Variants in COL6A6 observed in about 807,000 individuals in gnomAD.
COL6A6 encodes the protein collagen alpha-6(VI) chain.
A neutral mutation model predicts 208.6 loss-of-function variants in COL6A6; 183 were observed. The ratio of observed to expected loss-of-function variants is 0.88; its 90% CI spans 0.78 to 0.99. The LOEUF is 0.99. COL6A6 is among the 50% of genes least tolerant of loss of function. The pLI, the probability that COL6A6 is intolerant of heterozygous loss-of-function variation, is 0.00. For missense variants in COL6A6, 2,816 were observed against 2,815.2 expected (o/e 1.00, Z -0.01); for synonymous variants, 973 against 1,011.8 (o/e 0.96, Z 0.73).
rs2066338296 is a variant in COL6A6 at position 130,675,515 on chromosome 3, C to CAATGA, written c.*118_*119insAATGA. ...TGTAGGTTATCAGGTGACTTGACCC[C>CAATGA]CTGCATTCATTGGTATTAAGATATA... On this transcript the variant is annotated 3_prime_UTR_variant, in exon 37 of 37. Transcript: ENST00000358511. 1.5e-6 allele frequency: 1 copy of CAATGA among 680,542 alleles called. No individual in the cohort carries two copies. Among genetic ancestry groups the CAATGA allele is most frequent in the Non-Finnish European group, 2.4e-6 (1 of 412,608 alleles). The allele number at this position is 680,542 out of a possible 1,614,324, so 42.2% of individuals were successfully genotyped here.
chr3:130,644,138 C>CT (rs1165456227), intron 31 of COL6A6, among the ~76,000 whole-genome samples: 9 of 152,106 alleles, frequency 5.9e-5, no homozygotes, highest in Admixed American at 1.3e-4. Flanking sequence ...TTATTTAGAA[C>CT]AAAAAAGAAA....
At chr3:130,552,000 G>T (rs2062653253) in intron 1 of COL6A6, among the ~76,000 whole-genome samples, 1 of 152,064 alleles carries the variant, frequency 6.6e-6, no homozygotes. Flanking sequence ...TATTTTTATT[G>T]CATCATGGTA....
chr3:130,674,310 G>A (rs551975926), intron 36 of COL6A6, among the ~76,000 whole-genome samples: 1 of 152,284 alleles, frequency 6.6e-6, no homozygotes, highest in African/African-American at 2.4e-5. Context: ...CTGCCATATA[G>A]GTAGTACAGA....
At chr3:130,609,025 C>T (rs2108202145) in intron 22 of COL6A6, 61 bp downstream of exon 22, 1 of 1,238,710 alleles carries the variant, frequency 8.1e-7, no homozygotes. Flanking sequence ...ATGGAAAAAT[C>T]TGAGGACCTG....
Position 130,662,113 on chromosome 3 carries a change from A to G in COL6A6, c.6307A>G (p.Lys2103Glu), listed in dbSNP as rs753545194. Residue 2103 changes from lysine (K) to glutamate (E), a missense_variant, in exon 35 of 37, where the codon AAG (lysine) becomes GAG (glutamate). Lys to Glu is a moderately conservative substitution (Grantham distance 56). Transcript: ENST00000358511. ...TSHLDGEILK[K>E]ESLRAKCQGY... ...CCACTTAGATGGGGAAATCTTAAAGAAGGAATCCTTGCGAGCCAAATGTCA... is the reference window on the plus strand; with the variant it reads ...CCACTTAGATGGGGAAATCTTAAAGGAGGAATCCTTGCGAGCCAAATGTCA... 8 of 1,613,856 alleles carry G rather than the reference A, an allele frequency of 5.0e-6. No individual in the cohort carries two copies. The African/African-American group carries it at 6.7e-5, about 13-fold the overall frequency.
chr3:130,561,840 G>A (rs2062895307), intron 2 of COL6A6, among the ~76,000 whole-genome samples: 1 of 151,256 alleles, frequency 6.6e-6, no homozygotes, highest in South Asian at 2.1e-4. Flanking sequence ...TTTTAGTAGA[G>A]ACGGGGTTTC....
chr3:130,647,616 T>C (rs1021265165), intron 32 of COL6A6, among the ~76,000 whole-genome samples: 14 of 152,316 alleles, frequency 9.2e-5, no homozygotes, highest in African/African-American at 3.1e-4. Context: ...TTGAAGGACA[T>C]GGAGTCAAGG....
chr3:130,634,455 C>T, intron 26 of COL6A6, 135 bp from the exon 27 acceptor site: 1 of 722,654 alleles, frequency 1.4e-6, no homozygotes, highest in Non-Finnish European at 2.4e-6. Flanking sequence ...ATTTCACTTC[C>T]AGATTTCAAT....
chr3:130,542,276 T>C (rs2062385865), intron 1 of COL6A6, among the ~76,000 whole-genome samples: 1 of 152,204 alleles, frequency 6.6e-6, no homozygotes, highest in Admixed American at 6.5e-5. Flanking sequence ...TCTTGTTTTT[T>C]TCTTCTACTC....
chr3:130,634,202 TAAAA>T (rs1177021616), intron 26 of COL6A6, among the ~76,000 whole-genome samples: 1,101 of 36,322 alleles, frequency 0.03, 160 homozygotes, highest in African/African-American at 0.084. Flanking sequence ...TATAAAATGT[TAAAA>T]AAAAAAATAA....
At chr3:130,666,660 C>G (rs2066081909) in intron 36 of COL6A6, among the ~76,000 whole-genome samples, 1 of 151,866 alleles carries the variant, frequency 6.6e-6, no homozygotes, top group South Asian at 2.1e-4. Flanking sequence ...AACATAATTA[C>G]AGAAAATGCT....
At chr3:130,593,990 A>T (rs1371811094) in intron 17 of COL6A6, among the ~76,000 whole-genome samples, 3 of 152,218 alleles carry the variant, frequency 2.0e-5, no homozygotes, top group Non-Finnish European at 4.4e-5. Context: ...CAGTTGCCTT[A>T]TAAAAGAAAG....
intron 24 of COL6A6, among the ~76,000 whole-genome samples, chr3:130,625,231 A>G (rs916136613): frequency 5.3e-5 from 8 of 152,100 alleles, no homozygotes; most frequent in Non-Finnish European, 1.2e-4. Context: ...ATAGAATCCT[A>G]TTCTTCGTTA....
At chr3:130,607,545 A>G (rs1224996327) in intron 21 of COL6A6, among the ~76,000 whole-genome samples, 2 of 152,222 alleles carry the variant, frequency 1.3e-5, no homozygotes, top group African/African-American at 4.8e-5. Context: ...TCCACTCTCA[A>G]TGGCAACATG....
chr3:130,624,700 C>T (rs2064832996), intron 24 of COL6A6, among the ~76,000 whole-genome samples: 1 of 152,002 alleles, frequency 6.6e-6, no homozygotes, highest in Non-Finnish European at 1.5e-5. Context: ...GGCAGTTGTG[C>T]CTTAGAAGAT....
In COL6A6 at chr3:130,658,693, A is replaced by C. The variant is rs199877578; in HGVS notation, c.5751A>C (p.Thr1917=). 3 of 1,612,734 alleles carry C rather than the reference A, an allele frequency of 1.9e-6. No individual in the cohort carries two copies. Among genetic ancestry groups the C allele is most frequent in the Non-Finnish European group, 2.5e-6 (3 of 1,179,292 alleles). ...TCTTTTAGATTGACGACACTGGCAC[A>C]TTTCAAGTAATAGTGGTTCCCTCCG... ...RRAFAIDDTG[T]FQVIVVPSGA... Residue 1917 remains threonine (T), a synonymous_variant, in exon 34 of 37, where the codon ACA becomes ACC. Coordinates refer to ENST00000358511, the MANE Select transcript of COL6A6 (RefSeq NM_001102608.3).
chr3:130,556,925 A>G (rs2062779631), intron 1 of COL6A6, among the ~76,000 whole-genome samples: 1 of 152,206 alleles, frequency 6.6e-6, no homozygotes, highest in African/African-American at 2.4e-5. Flanking sequence ...ATGGTTTCAA[A>G]ACAGGCGTTC....
At chr3:130,562,989 C>T in intron 2 of COL6A6, 79 bp from the exon 3 acceptor site, 1 of 1,008,132 alleles carries the variant, frequency 9.9e-7, no homozygotes, top group Non-Finnish European at 1.5e-6. Flanking sequence ...AAAGTACTTC[C>T]CCGCCATAGA....
chr3:130,621,499 T>C (rs1384269558), intron 23 of COL6A6, among the ~76,000 whole-genome samples: 1 of 152,228 alleles, frequency 6.6e-6, no homozygotes, highest in East Asian at 1.9e-4. Context: ...TCAAGGCAAA[T>C]GTCATTTGGA....
Sources: gnomAD v4.1 joint callset for allele counts (sites outside exome capture counted in the v4.1 genomes callset) on GRCh38, gnomAD v4.1.1 for gene constraint, MANE v1.5 for transcripts, NCBI Gene and HGNC (gene_info 2026-07-23, HGNC 2026-07-21) for gene names.